RTL4: variants seen among roughly 807,000 people sequenced by gnomAD.
The protein encoded by RTL4 is retrotransposon Gag like 4.
Under a neutral mutation model 5.3 loss-of-function variants are expected in RTL4, and 4 were observed. The observed-to-expected ratio is 0.75, with a 90% CI of 0.37 to 1.72. RTL4 has a LOEUF of 1.72. RTL4 is among the 40% of genes most tolerant of loss of function. RTL4 has a pLI of 0.04. For missense variants in RTL4, 260 were observed against 227.1 expected, an observed-to-expected ratio of 1.14 and a Z score of -0.93; for synonymous variants, 98 against 87.3, an observed-to-expected ratio of 1.12 and a Z score of -0.68.
the RTL4 span, among the ~76,000 whole-genome samples, chrX:112,272,634 C>A: frequency 0.045 from 5,036 of 111,452 alleles, 274 homozygotes; most frequent in African/African-American, 0.16. Flanking sequence ...AATTTTATAT[C>A]CTTTTTACTT....
chrX:112,301,990 G>A, the RTL4 span, among the ~76,000 whole-genome samples: 13 of 108,692 alleles, frequency 1.2e-4, no homozygotes, highest in African/African-American at 4.0e-4. Context: ...GTCAGGGGCC[G>A]TGGCTCACGC....
the RTL4 span, among the ~76,000 whole-genome samples, chrX:112,084,136 A>G: frequency 9.9e-5 from 11 of 110,889 alleles, no homozygotes; most frequent in Admixed American, 2.9e-4. Flanking sequence ...TGCCAGAATC[A>G]TCTCCCTTGC....
the RTL4 span, among the ~76,000 whole-genome samples, chrX:112,253,326 A>T: frequency 8.9e-6 from 1 of 112,039 alleles, no homozygotes; most frequent in Non-Finnish European, 1.9e-5. Context: ...TCTTTTGTAA[A>T]TCACTAATGT....
the RTL4 span, among the ~76,000 whole-genome samples, chrX:112,254,710 G>A: frequency 9.0e-6 from 1 of 110,798 alleles, no homozygotes; most frequent in Non-Finnish European, 1.9e-5. Flanking sequence ...GAGGAAACAG[G>A]CTATGTGAAG....
At chrX:112,183,613 C>T in the RTL4 span, among the ~76,000 whole-genome samples, 4 of 111,841 alleles carry the variant, frequency 3.6e-5, no homozygotes, top group Admixed American at 2.9e-4. Flanking sequence ...GAAGAGCTAA[C>T]TATCCTAAAT....
the RTL4 span, among the ~76,000 whole-genome samples, chrX:112,378,080 AG>A: frequency 9.0e-6 from 1 of 111,500 alleles, no homozygotes; most frequent in African/African-American, 3.3e-5. Flanking sequence ...GGTCATGATC[AG>A]GGCCAGAGGG....
the RTL4 span, among the ~76,000 whole-genome samples, chrX:112,279,334 G>A: frequency 1.8e-5 from 2 of 111,377 alleles, no homozygotes; most frequent in Non-Finnish European, 3.8e-5. Context: ...TTGGGATGCG[G>A]TAGGGTAAGG....
the RTL4 span, among the ~76,000 whole-genome samples, chrX:112,297,821 C>T: frequency 1.8e-5 from 2 of 111,546 alleles, no homozygotes; most frequent in African/African-American, 3.3e-5. Flanking sequence ...CTTAGAGGTA[C>T]GTCATAGAAA....
chrX:112,101,512 G>GAAACAGA, the RTL4 span, among the ~76,000 whole-genome samples: 1 of 111,182 alleles, frequency 9.0e-6, no homozygotes, highest in African/African-American at 3.3e-5. Flanking sequence ...AAGAAGAAAT[G>GAAACAGA]AAACAGAAAA....
At chrX:112,182,196 C>A in the RTL4 span, among the ~76,000 whole-genome samples, 1 of 111,663 alleles carries the variant, frequency 9.0e-6, no homozygotes, top group Non-Finnish European at 1.9e-5. Context: ...ACATCAAAGA[C>A]CAAAGGTAGC....
At chrX:112,315,719 T>C in the RTL4 span, among the ~76,000 whole-genome samples, 5 of 111,610 alleles carry the variant, frequency 4.5e-5, no homozygotes, top group Non-Finnish European at 9.4e-5. Context: ...TTTTTATCTC[T>C]TTCCTCTCAA....
the RTL4 span, among the ~76,000 whole-genome samples, chrX:112,326,161 C>T: frequency 1.3e-4 from 14 of 111,572 alleles, no homozygotes; most frequent in Admixed American, 8.6e-4. Flanking sequence ...CCAAGATGGC[C>T]GAATAGGAAC....
chrX:112,252,978 T>A, the RTL4 span, among the ~76,000 whole-genome samples: 1 of 111,771 alleles, frequency 8.9e-6, no homozygotes, highest in African/African-American at 3.3e-5. Context: ...TGTAATCTTC[T>A]GGATTTAATG....
At chrX:112,283,382 C>G in the RTL4 span, among the ~76,000 whole-genome samples, 1 of 111,445 alleles carries the variant, frequency 9.0e-6, no homozygotes, top group Non-Finnish European at 1.9e-5. Flanking sequence ...GTTCTCTCCT[C>G]CAGTACCAGT....
chrX:112,269,732 T>C, the RTL4 span, among the ~76,000 whole-genome samples: 1,007 of 112,108 alleles, frequency 9.0e-3, 14 homozygotes, highest in African/African-American at 0.031. Context: ...AATGTACTCC[T>C]GTATATTCTT....
chrX:112,195,707 C>T, the RTL4 span, among the ~76,000 whole-genome samples: 1 of 111,414 alleles, frequency 9.0e-6, no homozygotes, highest in Admixed American at 9.6e-5. Flanking sequence ...AATTGCCCCA[C>T]AGTAACTGTA....
the RTL4 span, among the ~76,000 whole-genome samples, chrX:112,253,531 G>A: frequency 0.058 from 6,517 of 112,177 alleles, 461 homozygotes; most frequent in African/African-American, 0.2. Context: ...ACCTGTGGGA[G>A]ACTTACAGAG....
At chrX:112,090,694 T>C in the RTL4 span, among the ~76,000 whole-genome samples, 1 of 111,404 alleles carries the variant, frequency 9.0e-6, no homozygotes, top group South Asian at 3.7e-4. Context: ...ATAAGTAATA[T>C]TGGTCTGTAG....
chrX:112,102,225 C>T, the RTL4 span, among the ~76,000 whole-genome samples: 724 of 111,357 alleles, frequency 6.5e-3, 6 homozygotes, highest in African/African-American at 0.022. Context: ...TGTAGATAAA[C>T]GCATGAGAGT....
Sources: gnomAD v4.1 joint callset for allele counts (sites outside exome capture counted in the v4.1 genomes callset) on GRCh38, gnomAD v4.1.1 for gene constraint, MANE v1.5 for transcripts, NCBI Gene and HGNC (gene_info 2026-07-23, HGNC 2026-07-21) for gene names.